SHC3: variants seen among roughly 807,000 people sequenced by gnomAD.
The protein encoded by SHC3 is SHC-transforming protein 3.
A neutral mutation model predicts 60.4 loss-of-function variants in SHC3; 15 were observed. The ratio of observed to expected loss-of-function variants is 0.25; its 90% confidence interval spans 0.17 to 0.38. The LOEUF (loss-of-function observed/expected upper bound fraction) is 0.38. Among genes scored for constraint, SHC3 ranks in the 10% least tolerant of loss-of-function variants. The pLI is 1.00. For missense variants in SHC3, 677 were observed against 786.1 expected (o/e 0.86, Z 1.66); for synonymous variants, 294 against 325.9 (o/e 0.90, Z 1.05).
chr9:89,027,577 A>G lies in SHC3; in HGVS notation c.1656+10416T>C, dbSNP rs1235263559. Among the ~76,000 whole-genome samples, 7 of 106,058 alleles carry G rather than the reference A, an allele frequency of 6.6e-5. No homozygotes were observed. The East Asian group carries it at 2.2e-3, about 34-fold the overall frequency. 69.6% of individuals were successfully genotyped at this position (106,058 alleles called of 152,430 possible). A position where few individuals can be genotyped will look rare whatever the true frequency, so the allele number is the denominator to read the frequency against. ...GTGATCCGCCCGCCTAGGCCTCCCA[A>G]AGTGCTGGGATTACAGGCATAAGCC... On this transcript the variant is annotated intron_variant, in intron 11 of 11. Transcript: ENST00000375835.
At chr9:89,156,361 T>C (rs1826623177) in intron 1 of SHC3, among the ~76,000 whole-genome samples, 1 of 152,112 alleles carries the variant, frequency 6.6e-6, no homozygotes. Context: ...TGACATCTAA[T>C]AACTTCAGGG....
At chr9:89,134,235 C>G (rs779324463) in intron 1 of SHC3, among the ~76,000 whole-genome samples, 2 of 152,050 alleles carry the variant, frequency 1.3e-5, no homozygotes, top group Non-Finnish European at 2.9e-5. Context: ...ATGTGGATTT[C>G]TTGCCTGTGT....
At chr9:89,023,102 G>T (rs1338922663) in intron 11 of SHC3, among the ~76,000 whole-genome samples, 1 of 152,172 alleles carries the variant, frequency 6.6e-6, no homozygotes, top group Non-Finnish European at 1.5e-5. Context: ...GCAGGCGCAG[G>T]CTTCCTCTAT....
chr9:89,021,368 TGC>T lies in SHC3; in HGVS notation c.1657-7795_1657-7794del, dbSNP rs548062402. Among the ~76,000 whole-genome samples, 229 of 152,220 alleles carry T rather than the reference TGC, an allele frequency of 1.5e-3. 1 individual carries two copies. Among genetic ancestry groups the T allele is most frequent in the African/African-American group, 5.3e-3 (218 of 41,522 alleles). ...AACCACAAAGAAGTCTTCACTCAGCTGCCAGAGTAGGGAGGCCAACACCACCG... is the reference window on the plus strand; with the variant it reads ...AACCACAAAGAAGTCTTCACTCAGCTCAGAGTAGGGAGGCCAACACCACCG... On this transcript the variant is annotated intron_variant, in intron 11 of 11. Coordinates refer to ENST00000375835, the MANE Select transcript of SHC3 (RefSeq NM_016848.6).
intron 1 of SHC3, among the ~76,000 whole-genome samples, chr9:89,140,023 A>G (rs1386620185): frequency 6.6e-6 from 1 of 152,222 alleles, no homozygotes; most frequent in Non-Finnish European, 1.5e-5. Context: ...TTTTAATTTT[A>G]CCAATAATTT....
chr9:89,086,347 ACCCCC>A (rs1028453095), intron 2 of SHC3, among the ~76,000 whole-genome samples: 21 of 152,182 alleles, frequency 1.4e-4, no homozygotes, highest in African/African-American at 4.6e-4. Flanking sequence ...GGTTCCCACC[ACCCCC>A]AGCTTGGGTT....
intron 1 of SHC3, among the ~76,000 whole-genome samples, chr9:89,133,229 T>C (rs1449269911): frequency 6.6e-6 from 1 of 152,162 alleles, no homozygotes; most frequent in Non-Finnish European, 1.5e-5. Context: ...TCACACCAGT[T>C]AGAATGGCGA....
chr9:89,097,607 T>C (rs1825724029), intron 2 of SHC3, among the ~76,000 whole-genome samples: 2 of 152,220 alleles, frequency 1.3e-5, no homozygotes, highest in African/African-American at 4.8e-5. Context: ...TGCTTCATTT[T>C]TAGTCATTCC....
At chr9:89,123,942 T>C (rs1249019875) in intron 1 of SHC3, among the ~76,000 whole-genome samples, 1 of 152,166 alleles carries the variant, frequency 6.6e-6, no homozygotes, top group African/African-American at 2.4e-5. Flanking sequence ...AATTTGCCTT[T>C]TAGGCATCTG....
At chr9:89,083,063 C>T (rs538265304) in intron 2 of SHC3, among the ~76,000 whole-genome samples, 3 of 152,336 alleles carry the variant, frequency 2.0e-5, no homozygotes, top group Admixed American at 6.5e-5. Context: ...GCTCTCACCC[C>T]ACACAAGGTA....
chr9:89,156,064 C>A (rs1826618540), intron 1 of SHC3, among the ~76,000 whole-genome samples: 1 of 152,124 alleles, frequency 6.6e-6, no homozygotes, highest in Non-Finnish European at 1.5e-5. Context: ...TTGAATGGGG[C>A]TGACCCATGT....
intron 1 of SHC3, among the ~76,000 whole-genome samples, chr9:89,129,385 C>G (rs11496687): frequency 6.6e-6 from 1 of 152,116 alleles, no homozygotes; most frequent in Non-Finnish European, 1.5e-5. Flanking sequence ...GGCCAACATT[C>G]AAATTCAGGA....
chr9:89,130,985 G>A (rs1212038428), intron 1 of SHC3, among the ~76,000 whole-genome samples: 1 of 152,038 alleles, frequency 6.6e-6, no homozygotes, highest in Non-Finnish European at 1.5e-5. Flanking sequence ...TTTTTGAAAA[G>A]ATCAACAAAA....
chr9:89,028,149 T>A (rs1281324077), intron 11 of SHC3, among the ~76,000 whole-genome samples: 1 of 152,200 alleles, frequency 6.6e-6, no homozygotes, highest in African/African-American at 2.4e-5. Context: ...AAACTTCAGA[T>A]GACAAAACCA....
chr9:89,123,481 T>C (rs1034906400), intron 1 of SHC3, among the ~76,000 whole-genome samples: 4 of 152,122 alleles, frequency 2.6e-5, no homozygotes, highest in South Asian at 4.2e-4. Flanking sequence ...GCCAGCCCTC[T>C]TCCTCCAATA....
intron 5 of SHC3, 152 bp from the exon 6 acceptor site, chr9:89,065,732 T>G: frequency 5.2e-6 from 4 of 773,392 alleles, no homozygotes; most frequent in Non-Finnish European, 8.5e-6. Flanking sequence ...CCCCAGAAGA[T>G]TCAAGCTATA....
chr9:89,161,619 A>C (rs1587763263), intron 1 of SHC3, among the ~76,000 whole-genome samples: 1 of 152,092 alleles, frequency 6.6e-6, no homozygotes, highest in East Asian at 1.9e-4. Context: ...TCTATGACAA[A>C]CCCACAGCCA....
chr9:89,121,056 T>C (rs897891150), intron 1 of SHC3, among the ~76,000 whole-genome samples: 3 of 152,146 alleles, frequency 2.0e-5, no homozygotes, highest in Non-Finnish European at 4.4e-5. Context: ...GCATAAACAC[T>C]TAGGCATGCT....
chr9:89,169,435 C>T (rs1468518477), intron 1 of SHC3, among the ~76,000 whole-genome samples: 1 of 149,302 alleles, frequency 6.7e-6, no homozygotes, highest in Non-Finnish European at 1.5e-5. Context: ...GCTCTCCAAG[C>T]ACTGAGGCGG....
Sources: allele counts gnomAD v4.1 joint callset (sites outside exome capture counted in the v4.1 genomes callset), GRCh38; gene constraint gnomAD v4.1.1; transcripts MANE v1.5; gene names NCBI Gene and HGNC (gene_info 2026-07-23, HGNC 2026-07-21).